Variants in TM4SF19 observed in about 807,000 individuals in gnomAD.
TM4SF19 encodes the protein transmembrane 4 L six family member 19, also known as transmembrane 4 L6 family member 19.
Under a neutral mutation model 21.8 loss-of-function variants are expected in TM4SF19, and 17 were observed. That is an observed-to-expected ratio of 0.78 (90% CI 0.53 to 1.17). TM4SF19 has a LOEUF of 1.17. TM4SF19 is among the 50% of genes most tolerant of loss of function. The probability of loss-of-function intolerance (pLI) is 0.00; values close to 1 mark genes in which losing one functional copy is unlikely to be tolerated. For synonymous variants in TM4SF19, 107 were observed against 106.7 expected (o/e 1.00, Z -0.02); for missense variants, 216 against 252.1 (o/e 0.86, Z 0.97).
Position 196,333,412 on chromosome 3 carries a change from C to G in TM4SF19, c.-2+4852G>C, listed in dbSNP as rs149243247. ...TCGCAACAATAATAATAAAATAGAA[C>G]AGTTATAACAACATACTGTAATGAA... On this transcript the variant is annotated intron_variant, in intron 1 of 4. Transcript: ENST00000273695. Among the ~76,000 whole-genome samples, 57 of 152,262 alleles carry G rather than the reference C, an allele frequency of 3.7e-4. No homozygotes were observed. The East Asian group carries it at 0.011, about 29-fold the overall frequency.
intron 1 of TM4SF19, among the ~76,000 whole-genome samples, chr3:196,328,238 T>C (rs1043402642): frequency 1.3e-5 from 2 of 151,662 alleles, no homozygotes; most frequent in African/African-American, 4.9e-5. Flanking sequence ...AGGCAGAGGT[T>C]GCAGTGAGCT....
Position 196,327,341 on chromosome 3 carries a change from C to A in TM4SF19, c.201+49G>T. 3 of 1,572,774 alleles carry A rather than the reference C, an allele frequency of 1.9e-6. No individual in the cohort carries two copies. In the South Asian group the frequency reaches 3.3e-5, roughly 17 times the overall value. The stretch of plus-strand genomic sequence containing the variant: ...CTTCCCATGCCACCTTCCTGCTCCC[C>A]GCCGGGGTCTCTTTGAGAGTTCACG... On this transcript the variant is annotated intron_variant, in intron 2 of 4. Coordinates refer to ENST00000273695, the MANE Select transcript of TM4SF19 (RefSeq NM_138461.4).
intron 3 of TM4SF19, 91 bp downstream of exon 3, chr3:196,326,864 C>T: frequency 8.9e-7 from 1 of 1,120,700 alleles, no homozygotes. Flanking sequence ...CTTCAGGCCC[C>T]AAGACCAAAA....
chr3:196,324,504 G>A (rs373313946), intron 3 of TM4SF19, 64 bp from the exon 4 acceptor site: 4 of 1,566,810 alleles, frequency 2.6e-6, no homozygotes, highest in Non-Finnish European at 2.6e-6. Flanking sequence ...GCGGAGGGAG[G>A]AGAAACGCTG....
intron 3 of TM4SF19, chr3:196,324,700 C>T: frequency 2.2e-6 from 1 of 458,600 alleles, no homozygotes; most frequent in Non-Finnish European, 3.9e-6. Flanking sequence ...GAAGCAGAAT[C>T]GCAGGCCCCG....
chr3:196,332,848 A>ATTTTTT (rs544134464), intron 1 of TM4SF19, among the ~76,000 whole-genome samples: 12 of 120,864 alleles, frequency 9.9e-5, no homozygotes, highest in Non-Finnish European at 1.7e-4. Flanking sequence ...TCAACTTACA[A>ATTTTTT]TTTTTTTTTT....
intron 1 of TM4SF19, 79 bp from the exon 2 acceptor site, chr3:196,327,670 T>G (rs1577406826): frequency 7.9e-7 from 1 of 1,262,554 alleles, no homozygotes; most frequent in East Asian, 2.4e-5. Context: ...ATATCATGGG[T>G]GAGGGAAACA....
chr3:196,333,818 G>A (rs761118666), intron 1 of TM4SF19, among the ~76,000 whole-genome samples: 25 of 152,142 alleles, frequency 1.6e-4, no homozygotes, highest in Non-Finnish European at 2.9e-4. Flanking sequence ...TCCCAGCACT[G>A]TGGGAGGCCG....
In TM4SF19 at chr3:196,329,062, G is replaced by C. The variant is rs767805280; in HGVS notation, c.-1-1471C>G. Among the ~76,000 whole-genome samples the C allele has an allele frequency of 4.1e-5, 6 of 147,024 alleles. 1 individual carries two copies. The highest frequency in any genetic ancestry group is 7.5e-5 in the Non-Finnish European group (5 of 66,580). The stretch of plus-strand genomic sequence containing the variant: ...AGGTTCAAGCGATTCTCCTGCCTCA[G>C]CCTCCCAAGTAGCTGGGATTACAGG... On this transcript the variant is annotated intron_variant, in intron 1 of 4. Transcript: ENST00000273695.
chr3:196,335,748 C>T (rs973015943), intron 1 of TM4SF19, among the ~76,000 whole-genome samples: 2 of 152,038 alleles, frequency 1.3e-5, no homozygotes, highest in African/African-American at 2.4e-5. Flanking sequence ...CACAGCCTGC[C>T]CACACTGCTG....
At position 196,324,453 on chromosome 3, in the gene TM4SF19, G is replaced by C; in HGVS notation, c.280-13C>G. 6.2e-7 allele frequency: 1 copy of C among 1,613,782 alleles called. No individual in the cohort carries two copies. Among genetic ancestry groups the C allele is most frequent in the South Asian group, 1.1e-5 (1 of 91,036 alleles). Reference sequence around the variant, plus strand: ...GAGCAGTAAGCACCTGCGGAGGGAGGAGAAACACTGAGCTAAGACGGGGTC... The same window carrying C: ...GAGCAGTAAGCACCTGCGGAGGGAGCAGAAACACTGAGCTAAGACGGGGTC... On this transcript the variant is annotated splice_polypyrimidine_tract_variant and intron_variant, in intron 3 of 4. Coordinates refer to ENST00000273695, the MANE Select transcript of TM4SF19 (RefSeq NM_138461.4).
chr3:196,333,378 G>C (rs1727600800), intron 1 of TM4SF19, among the ~76,000 whole-genome samples: 1 of 152,168 alleles, frequency 6.6e-6, no homozygotes, highest in African/African-American at 2.4e-5. Context: ...ATCAGGCATA[G>C]TAAGAAGTTC....
chr3:196,335,769 G>C (rs939058848), intron 1 of TM4SF19, among the ~76,000 whole-genome samples: 3 of 152,024 alleles, frequency 2.0e-5, no homozygotes, highest in Non-Finnish European at 2.9e-5. Context: ...CGATGTCCCC[G>C]CATGTCTGCA....
chr3:196,335,867 TAAC>T (rs1727737155), intron 1 of TM4SF19, among the ~76,000 whole-genome samples: 1 of 151,854 alleles, frequency 6.6e-6, no homozygotes, highest in Admixed American at 6.6e-5. Context: ...CCCAGGGTGT[TAAC>T]AACTCACAAC....
At chr3:196,335,356 TGGGA>T (rs1430455068) in intron 1 of TM4SF19, among the ~76,000 whole-genome samples, 1 of 34,320 alleles carries the variant, frequency 2.9e-5, no homozygotes, top group Admixed American at 3.7e-4. Context: ...AGGGGTGCAC[TGGGA>T]GGGTGGGGGT....
At chr3:196,327,321 C>T (rs1446637640) in intron 2 of TM4SF19, 69 bp downstream of exon 2, 1 of 1,466,658 alleles carries the variant, frequency 6.8e-7, no homozygotes, top group Non-Finnish European at 9.5e-7. Context: ...ACACTCTTCC[C>T]ATGCCACCTT....
At position 196,327,440 on chromosome 3, in the gene TM4SF19, G is replaced by A; in HGVS notation, c.151C>T (p.Leu51Phe). Reference protein sequence around the residue: ...WDVTYLLRGLLGRHAMLGTGL... With the variant: ...WDVTYLLRGLFGRHAMLGTGL... ...GTTCCCAGCATGGCATGCCTGCCAA[G>A]GAGGCCCCTCAACAGGTAGGTGACA... Residue 51 changes from leucine to phenylalanine, a missense_variant, in exon 2 of 5, where the codon CTT becomes TTT. Transcript: ENST00000273695. 6.2e-7 allele frequency: 1 copy of A among 1,614,182 alleles called. No homozygotes were observed. Among genetic ancestry groups the A allele is most frequent in the Non-Finnish European group, 8.5e-7 (1 of 1,180,030 alleles).
At position 196,325,508 on chromosome 3, in the gene TM4SF19, ATTCT is replaced by A. The variant is rs1727250694; in HGVS notation, c.280-1072_280-1069del. ...AGCCACCGTGCCCGGCCCATATTGG[ATTCT>A]TTCTTAGGGTTCTAGATTTTTTTCT... On this transcript the variant is annotated intron_variant, in intron 3 of 4. Transcript: ENST00000273695. This position sits in a 1 kb window ranked among gnomAD's most constrained non-coding sequence, Gnocchi z 4.3. 6.6e-6 allele frequency: 1 copy of A among 151,926 alleles called. No homozygotes were observed. Among genetic ancestry groups the A allele is most frequent in the Non-Finnish European group, 1.5e-5 (1 of 67,998 alleles). 9.4% of individuals were successfully genotyped at this position (151,926 alleles called of 1,614,324 possible).
rs754888879 is a variant in TM4SF19 at position 196,323,719 on chromosome 3, G to A, written c.*98C>T. 6.3e-7 allele frequency: 1 copy of A among 1,596,530 alleles called. No individual in the cohort carries two copies. The highest frequency in any genetic ancestry group is 8.5e-7 in the Non-Finnish European group (1 of 1,170,554). On this transcript the variant is annotated 3_prime_UTR_variant, in exon 5 of 5. Coordinates refer to ENST00000273695, the MANE Select transcript of TM4SF19 (RefSeq NM_138461.4). Reference sequence around the variant, plus strand: ...CATTATTACTCCAGGGATACCTAAAGGGGAAGTTTGTTTATAATTCGTACC... The same window carrying A: ...CATTATTACTCCAGGGATACCTAAAAGGGAAGTTTGTTTATAATTCGTACC...
Sources: allele counts gnomAD v4.1 joint callset (sites outside exome capture counted in the v4.1 genomes callset), GRCh38; gene constraint gnomAD v4.1.1; non-coding constraint Gnocchi (gnomAD v3.1); transcripts MANE v1.5; gene names NCBI Gene and HGNC (gene_info 2026-07-23, HGNC 2026-07-21).